Variants in BORCS5 observed in about 807,000 individuals in gnomAD.
BORCS5 encodes the protein BLOC-1 related complex subunit 5.
In BORCS5, 17 loss-of-function variants were observed where a neutral mutation model predicts 22.1. That is an observed-to-expected ratio of 0.77 (90% CI 0.53 to 1.15). The LOEUF (loss-of-function observed/expected upper bound fraction) is 1.15. Among genes scored for constraint, BORCS5 ranks in the 50% most tolerant of loss-of-function variants. BORCS5 has a pLI of 0.00. For missense variants in BORCS5, 247 were observed against 253.2 expected (o/e 0.98, Z 0.17); for synonymous variants, 117 against 99.8 (o/e 1.17, Z -1.03).
chr12:12,416,221 C>T (rs570331970), intron 2 of BORCS5, among the ~76,000 whole-genome samples: 3 of 151,988 alleles, frequency 2.0e-5, no homozygotes, highest in East Asian at 1.9e-4. Flanking sequence ...TTTCTTAGTT[C>T]CTCTACTCTA....
intron 2 of BORCS5, among the ~76,000 whole-genome samples, chr12:12,370,873 C>T (rs766402034): frequency 5.3e-5 from 8 of 151,908 alleles, no homozygotes; most frequent in Non-Finnish European, 7.4e-5. Context: ...CTCAGCCTGC[C>T]GAGTAGCTGG....
chr12:12,418,050 G>A (rs893260521), intron 2 of BORCS5, among the ~76,000 whole-genome samples: 2 of 149,164 alleles, frequency 1.3e-5, no homozygotes, highest in Admixed American at 6.7e-5. Flanking sequence ...TTGAGACGGA[G>A]CCTCACTCTG....
chr12:12,418,225 G>C lies in BORCS5; in HGVS notation c.203-17403G>C, dbSNP rs1663893491. ...TGTTTTTTTTTTTGTTTTTTTAGTG[G>C]AGATGGGGTTTCACTGTGTTGCCAG... On this transcript the variant is annotated intron_variant, in intron 2 of 3. Coordinates refer to ENST00000314565, the MANE Select transcript of BORCS5 (RefSeq NM_058169.6). Among the ~76,000 whole-genome samples the C allele has an allele frequency of 4.0e-5, 6 of 150,320 alleles. No homozygotes were observed. In the South Asian group the frequency reaches 1.3e-3, roughly 32 times the overall value.
intron 3 of BORCS5, among the ~76,000 whole-genome samples, chr12:12,440,615 A>AG (rs1311829743): frequency 6.6e-6 from 1 of 151,702 alleles, no homozygotes; most frequent in Non-Finnish European, 1.5e-5. Context: ...GAAAAAAAAA[A>AG]AAAAACCAGG....
chr12:12,470,248 T>A lies in BORCS5; in HGVS notation c.*4472T>A, dbSNP rs1030823421. On this transcript the variant is annotated 3_prime_UTR_variant, in exon 4 of 4. Transcript: ENST00000314565. ...ACCACACCCGGCTAATTTTTTATTT[T>A]TAGTAGAGATGGGGTTTCACCATGT... 3.9e-5 allele frequency among the ~76,000 whole-genome samples: 6 copies of A among 152,144 alleles called. No individual in the cohort carries two copies. The highest frequency in any genetic ancestry group is 1.4e-4 in the African/African-American group (6 of 41,434).
chr12:12,425,719 A>G (rs1942269893), intron 2 of BORCS5, among the ~76,000 whole-genome samples: 1 of 152,088 alleles, frequency 6.6e-6, no homozygotes, highest in African/African-American at 2.4e-5. Flanking sequence ...TCCTTTTCAT[A>G]TTTGCCTTCC....
At chr12:12,414,376 G>A (rs1369361391) in intron 2 of BORCS5, among the ~76,000 whole-genome samples, 1 of 111,332 alleles carries the variant, frequency 9.0e-6, no homozygotes, top group South Asian at 2.8e-4. Context: ...GGCTGGTCAG[G>A]CGGGGGGCTG....
intron 3 of BORCS5, among the ~76,000 whole-genome samples, chr12:12,462,610 G>C (rs1943128120): frequency 6.6e-6 from 1 of 152,124 alleles, no homozygotes; most frequent in Non-Finnish European, 1.5e-5. Context: ...TTGCCCTTTA[G>C]CTCCAGCTTG....
At chr12:12,363,833 G>A (rs1863347671) in intron 2 of BORCS5, among the ~76,000 whole-genome samples, 1 of 151,966 alleles carries the variant, frequency 6.6e-6, no homozygotes, top group Non-Finnish European at 1.5e-5. Context: ...GGAGATGGAG[G>A]TTGCAGTGAG....
chr12:12,379,115 C>T (rs1863720243), intron 2 of BORCS5, among the ~76,000 whole-genome samples: 1 of 149,198 alleles, frequency 6.7e-6, no homozygotes. Flanking sequence ...TCTTTCTTTT[C>T]TCTTTTTTTT....
chr12:12,424,353 T>C (rs1052024490), intron 2 of BORCS5, among the ~76,000 whole-genome samples: 2 of 152,244 alleles, frequency 1.3e-5, no homozygotes, highest in Non-Finnish European at 2.9e-5. Context: ...TCGTATCAGT[T>C]ATTTCAGTTC....
chr12:12,391,839 C>T (rs1482088632), intron 2 of BORCS5, among the ~76,000 whole-genome samples: 3 of 140,064 alleles, frequency 2.1e-5, no homozygotes, highest in Non-Finnish European at 3.1e-5. Flanking sequence ...CAAGACCAGC[C>T]TGGCCGACAT....
In BORCS5 at chr12:12,417,582, T is replaced by C. The variant is rs534946015; in HGVS notation, c.203-18046T>C. ...GAGACTTCCAGCTATTATTGAAGTA[T>C]TTTTCCCTTCAATTTTGTCAGTGTT... is the stretch of plus-strand genomic sequence containing the variant. On this transcript the variant is annotated intron_variant, in intron 2 of 3. Transcript: ENST00000314565. Among the ~76,000 whole-genome samples the C allele has an allele frequency of 1.1e-4, 17 of 152,296 alleles. No homozygotes were observed. In the East Asian group the frequency reaches 3.3e-3, roughly 29 times the overall value.
chr12:12,430,039 C>T (rs1331720817), intron 2 of BORCS5, among the ~76,000 whole-genome samples: 1 of 152,100 alleles, frequency 6.6e-6, no homozygotes, highest in Non-Finnish European at 1.5e-5. Context: ...AATCAAGAAC[C>T]TTTTATGTAC....
chr12:12,357,845 G>A (rs1250829337), intron 1 of BORCS5, among the ~76,000 whole-genome samples: 1 of 152,194 alleles, frequency 6.6e-6, no homozygotes, highest in Non-Finnish European at 1.5e-5. Context: ...CTCACACAGT[G>A]GATGGATTAT....
chr12:12,396,302 A>G (rs139560891), intron 2 of BORCS5, among the ~76,000 whole-genome samples: 2 of 152,322 alleles, frequency 1.3e-5, no homozygotes, highest in East Asian at 3.9e-4. Context: ...TTAATTTTGA[A>G]TTTTGGCCTT....
chr12:12,389,891 G>C (rs1941123958), intron 2 of BORCS5, among the ~76,000 whole-genome samples: 1 of 152,052 alleles, frequency 6.6e-6, no homozygotes, highest in Admixed American at 6.6e-5. Flanking sequence ...TGATCTTCCT[G>C]TCTCGGCCTC....
chr12:12,382,753 G>A (rs1343928352), intron 2 of BORCS5, among the ~76,000 whole-genome samples: 9 of 150,938 alleles, frequency 6.0e-5, no homozygotes, highest in East Asian at 1.9e-4. Context: ...GGCTGGTTTC[G>A]AACTCCTGAC....
chr12:12,425,547 G>A (rs1193518987), intron 2 of BORCS5, among the ~76,000 whole-genome samples: 9 of 152,138 alleles, frequency 5.9e-5, no homozygotes, highest in Admixed American at 5.9e-4. Flanking sequence ...CCATCCTAAT[G>A]ATTAAGTGGT....
Sources: gnomAD v4.1 joint callset for allele counts (sites outside exome capture counted in the v4.1 genomes callset) on GRCh38, gnomAD v4.1.1 for gene constraint, MANE v1.5 for transcripts, NCBI Gene and HGNC (gene_info 2026-07-23, HGNC 2026-07-21) for gene names.